VRK2: variants seen among roughly 807,000 people sequenced by gnomAD.
VRK2 encodes serine/threonine-protein kinase VRK2.
In VRK2, 60 loss-of-function variants were observed where a neutral mutation model predicts 57.6. The observed-to-expected ratio is 1.04, with a 90% CI of 0.85 to 1.29. VRK2 has a LOEUF of 1.29. Ranked by LOEUF, VRK2 falls within the 50% of genes most tolerant of loss-of-function variation. The pLI is 0.00. For synonymous variants in VRK2, 231 were observed against 199.2 expected (o/e 1.16, Z -1.35); for missense variants, 705 against 588.1 (o/e 1.20, Z -2.06).
intron 12 of VRK2, among the ~76,000 whole-genome samples, chr2:58,153,031 C>T (rs530035948): frequency 1.3e-5 from 2 of 152,062 alleles, no homozygotes; most frequent in South Asian, 4.1e-4. Flanking sequence ...TCCATGACCA[C>T]GTAGGAATTG....
chr2:58,137,255 T>TATCATATATATGATAC (rs1680674834), intron 10 of VRK2, among the ~76,000 whole-genome samples: 1 of 21,028 alleles, frequency 4.8e-5, no homozygotes, highest in African/African-American at 8.0e-5. Flanking sequence ...ATATATGATA[T>TATCATATATATGATAC]ATATGATATA....
intron 11 of VRK2, among the ~76,000 whole-genome samples, chr2:58,144,669 C>A (rs142382458): frequency 1.4e-3 from 214 of 152,058 alleles, no homozygotes; most frequent in African/African-American, 5.0e-3. Context: ...GTATCAGGTA[C>A]ATTTATTACC....
intron 1 of VRK2, among the ~76,000 whole-genome samples, chr2:58,004,896 A>G (rs1673197370): frequency 6.6e-6 from 1 of 152,170 alleles, no homozygotes; most frequent in African/African-American, 2.4e-5. Context: ...TTGAAACTGT[A>G]TTAAATAATC....
Position 58,097,921 on chromosome 2 carries a change from G to A in VRK2, c.543+8198G>A, listed in dbSNP as rs376804176. Among the ~76,000 whole-genome samples the A allele has an allele frequency of 3.3e-5, 5 of 152,022 alleles. No individual in the cohort carries two copies. In the East Asian group the frequency reaches 7.7e-4, roughly 24 times the overall value. ...TAAAAAAAAAGTTAACTGTAAAACAGCCTCACACAGGCCCTTCAGAAGGTA... is the reference window on the plus strand; with the variant it reads ...TAAAAAAAAAGTTAACTGTAAAACAACCTCACACAGGCCCTTCAGAAGGTA... On this transcript the variant is annotated intron_variant, in intron 7 of 12. Coordinates refer to ENST00000340157, the MANE Select transcript of VRK2 (RefSeq NM_006296.7).
intron 1 of VRK2, among the ~76,000 whole-genome samples, chr2:58,014,721 T>G (rs530961409): frequency 1.3e-5 from 2 of 152,344 alleles, no homozygotes; most frequent in South Asian, 2.1e-4. Context: ...GAAAAATTTA[T>G]AGCCTAGTAT....
chr2:58,033,199 T>C (rs1433235099), intron 2 of VRK2: 5 of 152,108 alleles, frequency 3.3e-5, no homozygotes, highest in African/African-American at 1.2e-4. Context: ...AACTCTGTGG[T>C]TGACACTCCT....
chr2:58,137,155 TTTA>T (rs1558686481), intron 10 of VRK2, among the ~76,000 whole-genome samples: 2 of 25,004 alleles, frequency 8.0e-5, no homozygotes, highest in African/African-American at 2.4e-4. Context: ...ATATCATGTG[TTTA>T]TATATATCAT....
intron 3 of VRK2, among the ~76,000 whole-genome samples, chr2:58,035,212 T>C (rs1417036648): frequency 6.6e-6 from 1 of 152,026 alleles, no homozygotes; most frequent in East Asian, 1.9e-4. Context: ...TTTCTGTTGC[T>C]ACCATAGAAT....
chr2:58,013,535 A>AT (rs1673475405), intron 1 of VRK2, among the ~76,000 whole-genome samples: 1 of 152,198 alleles, frequency 6.6e-6, no homozygotes, highest in African/African-American at 2.4e-5. Context: ...GTAATAATAA[A>AT]TTGCTAAAAA....
intron 1 of VRK2, among the ~76,000 whole-genome samples, chr2:57,979,803 T>C (rs959054277): frequency 3.9e-5 from 6 of 152,212 alleles, no homozygotes; most frequent in African/African-American, 7.2e-5. Context: ...TCATTTATTT[T>C]AGGTTTCCTG....
intron 1 of VRK2, among the ~76,000 whole-genome samples, chr2:57,958,723 AT>A (rs1288783744): frequency 5.9e-5 from 9 of 152,230 alleles, no homozygotes; most frequent in Admixed American, 5.2e-4. Context: ...TCAGAATAAA[AT>A]TTTTTAATGT....
chr2:58,027,773 A>G (rs553041279), intron 2 of VRK2, among the ~76,000 whole-genome samples: 25 of 152,328 alleles, frequency 1.6e-4, no homozygotes, highest in African/African-American at 5.5e-4. Flanking sequence ...TTATAGAAGT[A>G]TAAGTGTCCA....
intron 2 of VRK2, among the ~76,000 whole-genome samples, chr2:58,028,903 AATATATATATATATATATATAT>A (rs58729342): frequency 2.2e-4 from 12 of 54,018 alleles, no homozygotes; most frequent in East Asian, 6.7e-4. Context: ...TAAATAAATA[AATATATATATATATATATATAT>A]ATATATATAT....
chr2:58,128,900 A>G (rs1211218601), intron 8 of VRK2, among the ~76,000 whole-genome samples: 1 of 152,194 alleles, frequency 6.6e-6, no homozygotes. Context: ...GCGTTCTACT[A>G]TCAGCCATTT....
At chr2:58,095,176 C>G (rs1348092250) in intron 7 of VRK2, among the ~76,000 whole-genome samples, 1 of 151,916 alleles carries the variant, frequency 6.6e-6, no homozygotes, top group Non-Finnish European at 1.5e-5. Flanking sequence ...TGCCTGTAGT[C>G]CCAGCCACTC....
intron 1 of VRK2, among the ~76,000 whole-genome samples, chr2:57,997,272 T>C (rs1272022114): frequency 6.6e-6 from 1 of 151,962 alleles, no homozygotes; most frequent in Non-Finnish European, 1.5e-5. Context: ...AATTAGCCAA[T>C]AGACAAGATT....
chr2:58,088,755 GT>G (rs1671978270), intron 6 of VRK2, among the ~76,000 whole-genome samples: 1 of 152,160 alleles, frequency 6.6e-6, no homozygotes, highest in Non-Finnish European at 1.5e-5. Context: ...TCTTTTGTCA[GT>G]TATAACAATG....
intron 2 of VRK2, among the ~76,000 whole-genome samples, chr2:58,065,600 C>T (rs1284218110): frequency 6.6e-6 from 1 of 151,964 alleles, no homozygotes; most frequent in Non-Finnish European, 1.5e-5. Flanking sequence ...TTTGCTTTTC[C>T]ATATACATAA....
chr2:57,937,553 T>C (rs1036421769), intron 1 of VRK2, among the ~76,000 whole-genome samples: 9 of 152,216 alleles, frequency 5.9e-5, no homozygotes, highest in African/African-American at 1.7e-4. Context: ...GGTAATTATA[T>C]AAATAAATCT....
Sources: allele counts gnomAD v4.1 joint callset (sites outside exome capture counted in the v4.1 genomes callset), GRCh38; gene constraint gnomAD v4.1.1; transcripts MANE v1.5; gene names NCBI Gene and HGNC (gene_info 2026-07-23, HGNC 2026-07-21).